Variants in PDZRN3 observed in about 807,000 individuals in gnomAD.
PDZRN3 encodes E3 ubiquitin-protein ligase PDZRN3.
In PDZRN3, 38 loss-of-function variants were observed where a neutral mutation model predicts 85.7. The ratio of observed to expected loss-of-function variants is 0.44; its 90% CI spans 0.34 to 0.58. The LOEUF (loss-of-function observed/expected upper bound fraction) is 0.58. PDZRN3 is among the 20% of genes least tolerant of loss of function. PDZRN3 has a pLI of 0.01. For synonymous variants in PDZRN3, 759 were observed against 638.0 expected, an observed-to-expected ratio of 1.19 and a Z score of -2.86; for missense variants, 1,629 against 1,506.4, an observed-to-expected ratio of 1.08 and a Z score of -1.35.
intron 3 of PDZRN3, among the ~76,000 whole-genome samples, chr3:73,423,153 G>A (rs774482603): frequency 2.0e-5 from 3 of 152,210 alleles, no homozygotes; most frequent in African/African-American, 4.8e-5. Flanking sequence ...TTCATCTCCC[G>A]CTGCTAACTG....
At chr3:73,528,821 T>A (rs1235985023) in intron 3 of PDZRN3, among the ~76,000 whole-genome samples, 1 of 151,446 alleles carries the variant, frequency 6.6e-6, no homozygotes, top group African/African-American at 2.4e-5. Context: ...CTTTTTGGAG[T>A]GGAGGAAGAA....
intron 3 of PDZRN3, among the ~76,000 whole-genome samples, chr3:73,571,676 TG>T (rs1702048370): frequency 6.6e-6 from 1 of 152,224 alleles, no homozygotes; most frequent in Admixed American, 6.5e-5. Context: ...GTGAGAGTCC[TG>T]CCCCCAGAGA....
At chr3:73,424,495 T>A (rs932072829) in intron 3 of PDZRN3, among the ~76,000 whole-genome samples, 18 of 126,982 alleles carry the variant, frequency 1.4e-4, no homozygotes, top group African/African-American at 5.3e-4. Context: ...TAAGCTGAGA[T>A]CGTGCCACTG....
At chr3:73,400,860 T>G in intron 5 of PDZRN3, 62 bp downstream of exon 5, 1 of 1,161,650 alleles carries the variant, frequency 8.6e-7, no homozygotes, top group African/African-American at 1.5e-5. Flanking sequence ...TATAGAGAAC[T>G]TATTAGGCAT....
chr3:73,562,135 T>C (rs1435258626), intron 3 of PDZRN3, among the ~76,000 whole-genome samples: 2 of 152,184 alleles, frequency 1.3e-5, no homozygotes, highest in Non-Finnish European at 2.9e-5. Flanking sequence ...CACTCACATG[T>C]ACAGAGATGT....
At position 73,384,305 on chromosome 3, in the gene PDZRN3, C is replaced by T. The variant is rs1170910404; in HGVS notation, c.2261G>A (p.Ser754Asn). The stretch of plus-strand genomic sequence containing the variant: ...CTCGCCTGTGTTGTAGGCGCTCGAG[C>T]TGTCCTTGTCGGATTTCTCCGGGAG... ...TELPEKSDKD[S>N]SSAYNTGESC... Residue 754 changes from serine to asparagine, a missense_variant, in exon 10 of 10, where the codon AGC (serine) becomes AAC (asparagine). Ser to Asn is a conservative substitution (Grantham distance 46). Transcript: ENST00000263666. 1 of 1,612,576 alleles carries T rather than the reference C, an allele frequency of 6.2e-7. No homozygotes were observed. Among genetic ancestry groups the T allele is most frequent in the South Asian group, 1.1e-5 (1 of 91,084 alleles).
intron 2 of PDZRN3, among the ~76,000 whole-genome samples, chr3:73,603,761 C>A (rs751574078): frequency 1.1e-4 from 17 of 151,930 alleles, no homozygotes; most frequent in Non-Finnish European, 2.1e-4. Flanking sequence ...GGGAAGGAAA[C>A]GACTTCAAGT....
intron 1 of PDZRN3, among the ~76,000 whole-genome samples, 197 bp from the exon 2 acceptor site, chr3:73,608,881 T>C (rs1372868864): frequency 6.6e-6 from 1 of 152,192 alleles, no homozygotes; most frequent in Non-Finnish European, 1.5e-5. Flanking sequence ...TATAAACATT[T>C]CTAGATACCA....
chr3:73,417,615 G>T (rs1230846846), intron 3 of PDZRN3, among the ~76,000 whole-genome samples: 7 of 152,130 alleles, frequency 4.6e-5, no homozygotes, highest in Non-Finnish European at 7.4e-5. Flanking sequence ...CCTCTCTTCT[G>T]CTGTGTTGAC....
chr3:73,493,261 G>A (rs1703807479), intron 3 of PDZRN3, among the ~76,000 whole-genome samples: 1 of 152,052 alleles, frequency 6.6e-6, no homozygotes, highest in Non-Finnish European at 1.5e-5. Flanking sequence ...AAAGCCCCAT[G>A]GAGTGGGGAG....
chr3:73,585,375 C>G (rs528345724), intron 3 of PDZRN3, among the ~76,000 whole-genome samples: 1 of 152,232 alleles, frequency 6.6e-6, no homozygotes, highest in South Asian at 2.1e-4. Context: ...CAGCACAGAA[C>G]ACAAATGAAC....
At position 73,507,329 on chromosome 3, in the gene PDZRN3, C is replaced by T. The variant is rs138160828; in HGVS notation, c.918+95025G>A. Among the ~76,000 whole-genome samples the T allele has an allele frequency of 1.9e-3, 283 of 152,274 alleles. 1 individual carries two copies. Among genetic ancestry groups the T allele is most frequent in the African/African-American group, 6.6e-3 (274 of 41,558 alleles). The stretch of plus-strand genomic sequence containing the variant: ...GATTACAGGCACCTGCCACCATATG[C>T]CTGGATAATTTTTGTATTTTTAGTA... On this transcript the variant is annotated intron_variant, in intron 3 of 9. Transcript: ENST00000263666.
chr3:73,617,230 G>A (rs1253434682), intron 1 of PDZRN3, among the ~76,000 whole-genome samples: 2 of 152,148 alleles, frequency 1.3e-5, no homozygotes, highest in African/African-American at 2.4e-5. Flanking sequence ...AAGATTACGC[G>A]GTGCCTCTGC....
At chr3:73,548,489 C>A (rs2106798281) in intron 3 of PDZRN3, among the ~76,000 whole-genome samples, 1 of 152,326 alleles carries the variant, frequency 6.6e-6, no homozygotes, top group Middle Eastern at 3.4e-3. Context: ...TTGAAGCACA[C>A]ACCCTGGAGC....
intron 3 of PDZRN3, among the ~76,000 whole-genome samples, chr3:73,436,052 C>T (rs1702525178): frequency 1.3e-5 from 2 of 152,168 alleles, no homozygotes; most frequent in Non-Finnish European, 1.5e-5. Context: ...TTTCTCCTTC[C>T]TTCCAACCCC....
intron 3 of PDZRN3, among the ~76,000 whole-genome samples, chr3:73,574,281 C>A (rs1461455102): frequency 1.3e-5 from 2 of 152,214 alleles, no homozygotes; most frequent in Non-Finnish European, 2.9e-5. Context: ...ATCTTCTCAC[C>A]ATCAAGAGAA....
intron 3 of PDZRN3, among the ~76,000 whole-genome samples, chr3:73,496,549 G>A (rs570069243): frequency 1.5e-5 from 2 of 129,910 alleles, no homozygotes; most frequent in South Asian, 2.9e-4. Context: ...AATTTATAAC[G>A]TATTTCTAAG....
At chr3:73,532,041 G>A (rs975826443) in intron 3 of PDZRN3, among the ~76,000 whole-genome samples, 14 of 152,038 alleles carry the variant, frequency 9.2e-5, no homozygotes, top group East Asian at 3.9e-4. Context: ...TCGCTCTGTC[G>A]CCCAGGCTGG....
At chr3:73,387,779 T>C (rs1167724933) in intron 8 of PDZRN3, among the ~76,000 whole-genome samples, 189 bp downstream of exon 8, 1 of 152,128 alleles carries the variant, frequency 6.6e-6, no homozygotes, top group African/African-American at 2.4e-5. Flanking sequence ...GATGCCAGGG[T>C]GGGCATCTAA....
Sources: allele counts gnomAD v4.1 joint callset (sites outside exome capture counted in the v4.1 genomes callset), GRCh38; gene constraint gnomAD v4.1.1; transcripts MANE v1.5; gene names NCBI Gene and HGNC (gene_info 2026-07-23, HGNC 2026-07-21).